The following CTNNA3 variants were observed in gnomAD, a reference collection of about 807,000 sequenced individuals.
CTNNA3 encodes catenin alpha 3.
Under a neutral mutation model 95.7 loss-of-function variants are expected in CTNNA3, and 76 were observed. The observed-to-expected ratio is 0.79, with a 90% confidence interval of 0.66 to 0.96. The LOEUF is 0.96. Among genes scored for constraint, CTNNA3 ranks in the 40% least tolerant of loss-of-function variants. CTNNA3 has a pLI of 0.00. For synonymous variants in CTNNA3, 431 were observed against 374.4 expected (o/e 1.15, Z -1.74); for missense variants, 1,191 against 1,089.8 (o/e 1.09, Z -1.31).
At chr10:66,244,250 T>C (rs1049461973) in intron 13 of CTNNA3, among the ~76,000 whole-genome samples, 2 of 152,146 alleles carry the variant, frequency 1.3e-5, no homozygotes, top group East Asian at 1.9e-4. Context: ...GAACATCAGG[T>C]AGATTTCTAA....
intron 1 of CTNNA3, among the ~76,000 whole-genome samples, chr10:67,720,164 G>T (rs1246759345): frequency 7.0e-5 from 1 of 14,372 alleles, no homozygotes; most frequent in African/African-American, 2.5e-4. Flanking sequence ...CTGTCCAATT[G>T]CTTGGTAAAT....
rs1310474353 is a variant in CTNNA3, at chr10:67,232,301, ACAGCGGATCTCT to A, written c.580-12443_580-12432del. On this transcript the variant is annotated intron_variant, in intron 5 of 17. Transcript: ENST00000433211. The stretch of plus-strand genomic sequence containing the variant: ...CCTCAAAGGGAAGCCCATCAGACTA[ACAGCGGATCTCT>A]CAGCAGAAACTCTACAAGCCAGAAG... 7.9e-5 allele frequency among the ~76,000 whole-genome samples: 12 copies of A among 152,342 alleles called. No individual in the cohort carries two copies. In the East Asian group the frequency reaches 1.5e-3, roughly 20 times the overall value.
chr10:66,896,781 C>T lies in CTNNA3; in HGVS notation c.1048-121257G>A, dbSNP rs189777151. Among the ~76,000 whole-genome samples, 10 of 152,264 alleles carry T rather than the reference C, an allele frequency of 6.6e-5. No homozygotes were observed. The East Asian group carries it at 1.9e-3, about 29-fold the overall frequency. ...CATGGGACTTCTTGTATGCCTTTCC[C>T]TCTTCCTGAACCTTCCTGTTTCTAC... On this transcript the variant is annotated intron_variant, in intron 7 of 17. Transcript: ENST00000433211.
intron 15 of CTNNA3, among the ~76,000 whole-genome samples, chr10:66,065,067 T>C (rs2080285358): frequency 6.6e-6 from 1 of 152,118 alleles, no homozygotes; most frequent in South Asian, 2.1e-4. Context: ...AAGTGATAAC[T>C]GCTAAAAGGA....
At chr10:66,248,931 A>T (rs1911470) in intron 13 of CTNNA3, among the ~76,000 whole-genome samples, 122,864 of 152,114 alleles carry the variant, frequency 0.81, 49,971 homozygotes, top group South Asian at 0.94. Flanking sequence ...CAAAATAGCA[A>T]GGTGCTGGCA....
chr10:67,442,590 A>C (rs1846562580), intron 5 of CTNNA3, among the ~76,000 whole-genome samples: 2 of 152,158 alleles, frequency 1.3e-5, no homozygotes, highest in South Asian at 4.1e-4. Context: ...AATAGATTTC[A>C]AGACAAAAAC....
chr10:66,138,382 A>T lies in CTNNA3; in HGVS notation c.1885-35133T>A, dbSNP rs555112048. Among the ~76,000 whole-genome samples the T allele has an allele frequency of 1.6e-4, 25 of 152,334 alleles. No individual in the cohort carries two copies. In the South Asian group the frequency reaches 3.7e-3, roughly 23 times the overall value. On this transcript the variant is annotated intron_variant, in intron 13 of 17. Coordinates refer to ENST00000433211, the MANE Select transcript of CTNNA3 (RefSeq NM_013266.4). ...GAATACTGACTATCTTTGGGCAATG[A>T]TATCATGCTATATAACCAACAATCC...
At chr10:66,716,613 A>G (rs1848458006) in intron 9 of CTNNA3, among the ~76,000 whole-genome samples, 1 of 152,176 alleles carries the variant, frequency 6.6e-6, no homozygotes, top group African/African-American at 2.4e-5. Context: ...TTGAGGCAAC[A>G]GAGGCATTTA....
At chr10:67,573,690 TCCTTC>T (rs1378954209) in intron 3 of CTNNA3, among the ~76,000 whole-genome samples, 5 of 151,838 alleles carry the variant, frequency 3.3e-5, no homozygotes, top group South Asian at 2.1e-4. Flanking sequence ...TCCTTCCCTT[TCCTTC>T]CCTTCCCTTC....
chr10:67,288,650 T>C (rs1839702179), intron 5 of CTNNA3, among the ~76,000 whole-genome samples: 1 of 152,120 alleles, frequency 6.6e-6, no homozygotes, highest in African/African-American at 2.4e-5. Flanking sequence ...TACAATAAAC[T>C]GCAAAAAATC....
chr10:66,317,966 C>T (rs75304788), intron 12 of CTNNA3, among the ~76,000 whole-genome samples: 10,766 of 151,912 alleles, frequency 0.071, 579 homozygotes, highest in East Asian at 0.11. Flanking sequence ...TGCATGCCAG[C>T]AACTATATGG....
intron 9 of CTNNA3, among the ~76,000 whole-genome samples, chr10:66,735,041 T>G (rs1303196045): frequency 6.6e-6 from 1 of 151,628 alleles, no homozygotes; most frequent in Non-Finnish European, 1.5e-5. Flanking sequence ...CTTTTATTGA[T>G]AAAACAATAT....
intron 7 of CTNNA3, among the ~76,000 whole-genome samples, chr10:67,162,648 G>T (rs1396522558): frequency 6.6e-6 from 1 of 151,212 alleles, no homozygotes; most frequent in African/African-American, 2.4e-5. Flanking sequence ...GCAGAAAGAA[G>T]AAAATAATAA....
At chr10:67,575,688 C>T (rs1240646338) in intron 3 of CTNNA3, among the ~76,000 whole-genome samples, 2 of 152,204 alleles carry the variant, frequency 1.3e-5, no homozygotes, top group African/African-American at 4.8e-5. Context: ...CAGAGTGACT[C>T]TGACATCCTC....
In CTNNA3 at chr10:65,989,101, C is replaced by T. The variant is rs3780916; in HGVS notation, c.2160-304G>A. On this transcript the variant is annotated intron_variant, in intron 15 of 17. Coordinates refer to ENST00000433211, the MANE Select transcript of CTNNA3 (RefSeq NM_013266.4). ...GACTGCAGGCGCGCGCCACCATGCC[C>T]GGCTAATTTTTGTATTTTTAGTAGA... 0.86 allele frequency among the ~76,000 whole-genome samples: 130,221 copies of T among 151,966 alleles called. 56,052 individuals carry two copies. Among genetic ancestry groups the T allele is most frequent in the African/African-American group, 0.91 (37,599 of 41,456 alleles).
intron 5 of CTNNA3, among the ~76,000 whole-genome samples, chr10:67,298,873 C>T (rs926261068): frequency 6.6e-6 from 1 of 152,052 alleles, no homozygotes; most frequent in Admixed American, 6.6e-5. Context: ...TTGCATCAGC[C>T]AAACAGTCAA....
chr10:67,628,805 T>G (rs1300649494), intron 2 of CTNNA3, among the ~76,000 whole-genome samples: 1 of 152,162 alleles, frequency 6.6e-6, no homozygotes, highest in Non-Finnish European at 1.5e-5. Context: ...CAATTGTTTA[T>G]TTAACCATGG....
rs1391845559 is a variant in CTNNA3 at position 66,425,982 on chromosome 10, T to G, written c.1532-46630A>C. 5.3e-5 allele frequency among the ~76,000 whole-genome samples: 8 copies of G among 152,252 alleles called. No individual in the cohort carries two copies. The East Asian group carries it at 1.2e-3, about 22-fold the overall frequency. On this transcript the variant is annotated intron_variant, in intron 11 of 17. Coordinates refer to ENST00000433211, the MANE Select transcript of CTNNA3 (RefSeq NM_013266.4). The stretch of plus-strand genomic sequence containing the variant: ...TTGTCATTTTGTACTTTATATCACT[T>G]AATCATCTACAATGTATTTTTTGTA...
intron 11 of CTNNA3, among the ~76,000 whole-genome samples, chr10:66,442,933 G>A (rs963348313): frequency 4.6e-5 from 7 of 152,192 alleles, no homozygotes; most frequent in African/African-American, 1.4e-4. Flanking sequence ...CAGACGTCAC[G>A]TGGAAAATCA....
Sources: gnomAD v4.1 joint callset for allele counts (sites outside exome capture counted in the v4.1 genomes callset) on GRCh38, gnomAD v4.1.1 for gene constraint, MANE v1.5 for transcripts, NCBI Gene and HGNC (gene_info 2026-07-23, HGNC 2026-07-21) for gene names.